The following SIN3B variants were observed in gnomAD, a reference collection of about 807,000 sequenced individuals.
The protein encoded by SIN3B is paired amphipathic helix protein Sin3b.
SIN3B carries 19 observed loss-of-function variants against 120.2 expected under a neutral mutation model. The ratio of observed to expected loss-of-function variants is 0.16; its 90% CI spans 0.11 to 0.23. The LOEUF (loss-of-function observed/expected upper bound fraction) is 0.23. Among genes scored for constraint, SIN3B ranks in the 10% least tolerant of loss-of-function variants. SIN3B has a pLI of 1.00. For missense variants in SIN3B, 1,073 were observed against 1,573.0 expected (o/e 0.68, Z 5.38); for synonymous variants, 654 against 653.2 (o/e 1.00, Z -0.02).
rs1180275992 is a variant in SIN3B, at chr19:16,878,166, C to T, written c.2955-17C>T. ...ATGCCGAGAGCCAGAGTCCATTCCA[C>T]CTCCTTTCGCCCCCAGGAACCTCAA... On this transcript the variant is annotated splice_polypyrimidine_tract_variant and intron_variant, in intron 17 of 18. Coordinates refer to ENST00000248054, the MANE Select transcript of SIN3B (RefSeq NM_001297595.2). 15 of 1,542,778 alleles carry T rather than the reference C, an allele frequency of 9.7e-6. No homozygotes were observed. The highest frequency in any genetic ancestry group is 4.1e-5 in the African/African-American group (3 of 73,098).
chr19:16,869,602 A>G lies in SIN3B; in HGVS notation c.1949A>G (p.Glu650Gly). 1 of 1,613,546 alleles carries G rather than the reference A, an allele frequency of 6.2e-7. No individual in the cohort carries two copies. Among genetic ancestry groups the G allele is most frequent in the Non-Finnish European group, 8.5e-7 (1 of 1,180,028 alleles). Residue 650 changes from glutamate to glycine, a missense_variant, in exon 13 of 19, where the codon GAG becomes GGG. Coordinates refer to ENST00000248054, the MANE Select transcript of SIN3B (RefSeq NM_001297595.2). ...YVKRQPAIQK[E>G]DQGTIHQLLH... ...AAGCGGCAGCCGGCCATCCAGAAGG[A>G]GGACCAGGGCACCATCCACCAGCTG...
chr19:16,873,175 C>T (rs1241787705), intron 14 of SIN3B, among the ~76,000 whole-genome samples: 1 of 152,072 alleles, frequency 6.6e-6, no homozygotes, highest in Non-Finnish European at 1.5e-5. Flanking sequence ...TGGCTGGGGC[C>T]CTGTCCTTTC....
chr19:16,831,894 C>T (rs1254081622), intron 3 of SIN3B, among the ~76,000 whole-genome samples: 3 of 152,160 alleles, frequency 2.0e-5, no homozygotes, highest in Admixed American at 6.5e-5. Context: ...GGGAGGTATC[C>T]TCCTAACGCA....
At chr19:16,856,519 A>G (rs561373409) in intron 8 of SIN3B, among the ~76,000 whole-genome samples, 1 of 152,318 alleles carries the variant, frequency 6.6e-6, no homozygotes, top group East Asian at 1.9e-4. Flanking sequence ...GATGTAAGTC[A>G]CAAACTTGGA....
In SIN3B at chr19:16,879,058, C is replaced by G. The variant is rs1599621786; in HGVS notation, c.*331C>G. The G allele has an allele frequency of 2.6e-6, 1 of 391,946 alleles. No individual in the cohort carries two copies. The highest frequency in any genetic ancestry group is 4.7e-5 in the East Asian group (1 of 21,498). The allele number at this position is 391,946 out of a possible 1,614,324, so 24.3% of individuals were successfully genotyped here. On this transcript the variant is annotated 3_prime_UTR_variant, in exon 19 of 19. Coordinates refer to ENST00000248054, the MANE Select transcript of SIN3B (RefSeq NM_001297595.2). ...CCCTGGCAGGCAGATGGCTCCTGCC[C>G]CATATTCTTGCCGTGTCTTGGAAAA... is the stretch of plus-strand genomic sequence containing the variant.
At chr19:16,835,598 C>T (rs895512830) in intron 3 of SIN3B, among the ~76,000 whole-genome samples, 2 of 151,526 alleles carry the variant, frequency 1.3e-5, no homozygotes, top group Admixed American at 6.6e-5. Flanking sequence ...CAGCTCACTG[C>T]AGCCTCCGCC....
chr19:16,868,107 T>A (rs1022929894), intron 12 of SIN3B, among the ~76,000 whole-genome samples: 2 of 152,140 alleles, frequency 1.3e-5, no homozygotes, highest in Non-Finnish European at 2.9e-5. Context: ...TGGTTACAGA[T>A]CATGGACATG....
intron 14 of SIN3B, chr19:16,872,748 AC>A (rs1441393574): frequency 6.6e-6 from 1 of 152,024 alleles, no homozygotes; most frequent in East Asian, 1.9e-4. Flanking sequence ...CGGCATCACA[AC>A]CCTGATTTCT....
Position 16,878,206 on chromosome 19 carries a change from G to C in SIN3B, c.2978G>C (p.Arg993Pro). 1 of 1,584,492 alleles carries C rather than the reference G, an allele frequency of 6.3e-7. No homozygotes were observed. The change falls in exon 18 of 19, where the codon CGG becomes CCG. Residue 993 changes from arginine to proline, a missense_variant. Coordinates refer to ENST00000248054, the MANE Select transcript of SIN3B (RefSeq NM_001297595.2). ...AGGAACCTCAAGAAGTTCCGCCGCC[G>C]GTGGCAGAGCGAGCAGGCGCGGGCC... ...LQRNLKKFRR[R>P]WQSEQARALR... is the part of the protein sequence containing the mutation.
At chr19:16,835,092 A>G (rs1328427662) in intron 3 of SIN3B, among the ~76,000 whole-genome samples, 1 of 150,864 alleles carries the variant, frequency 6.6e-6, no homozygotes, top group African/African-American at 2.4e-5. Context: ...GCGCCCGACT[A>G]ATTTTGTATT....
chr19:16,859,350 C>G (rs1971657404), intron 8 of SIN3B, among the ~76,000 whole-genome samples: 1 of 151,948 alleles, frequency 6.6e-6, no homozygotes, highest in Non-Finnish European at 1.5e-5. Flanking sequence ...CTCAGCATTT[C>G]TTGGAAGTGT....
chr19:16,851,738 T>G (rs1288691168), intron 6 of SIN3B, among the ~76,000 whole-genome samples: 2 of 152,230 alleles, frequency 1.3e-5, no homozygotes, highest in Non-Finnish European at 2.9e-5. Flanking sequence ...CCTGTGAGAT[T>G]GTTTTGAAAA....
intron 14 of SIN3B, among the ~76,000 whole-genome samples, chr19:16,874,533 T>A (rs551210800): frequency 6.6e-6 from 1 of 152,116 alleles, no homozygotes; most frequent in Admixed American, 6.5e-5. Flanking sequence ...TGATCTGGTC[T>A]GGTCTGGTCT....
In SIN3B at chr19:16,867,226, C is replaced by G. The variant is rs575909291; in HGVS notation, c.1806+670C>G. 6.6e-5 allele frequency among the ~76,000 whole-genome samples: 10 copies of G among 152,352 alleles called. No individual in the cohort carries two copies. The South Asian group carries it at 2.1e-3, about 32-fold the overall frequency. ...CATCTGACCTCACTCCTGAACCTGA[C>G]TCTGCTGCGGCATTATTCTGATTTT... On this transcript the variant is annotated intron_variant, in intron 12 of 18. Coordinates refer to ENST00000248054, the MANE Select transcript of SIN3B (RefSeq NM_001297595.2).
In SIN3B at chr19:16,853,128, G is replaced by A; in HGVS notation, c.909G>A (p.Gly303=). Residue 303 remains glycine, a synonymous_variant, in exon 7 of 19, where the codon GGG becomes GGA. Coordinates refer to ENST00000248054, the MANE Select transcript of SIN3B (RefSeq NM_001297595.2). ...CCATCGCTGCAGTGGGGAAGTACGG[G>A]ACTCTGCAGGAATTTTCTTTCTTTG... ...DLSIAAVGKY[G]TLQEFSFFDK... 1 of 1,614,200 alleles carries A rather than the reference G, an allele frequency of 6.2e-7. No homozygotes were observed. Among genetic ancestry groups the A allele is most frequent in the Non-Finnish European group, 8.5e-7 (1 of 1,180,018 alleles).
intron 8 of SIN3B, among the ~76,000 whole-genome samples, chr19:16,860,635 C>G (rs1971675363): frequency 6.9e-6 from 1 of 144,986 alleles, no homozygotes; most frequent in African/African-American, 2.6e-5. Flanking sequence ...GAGTCTCGCT[C>G]TGTCGCCCAG....
In SIN3B at chr19:16,876,254, C is replaced by T. The variant is rs1249904070; in HGVS notation, c.2766+26C>T. Reference sequence around the variant, plus strand: ...GTGAGAGGAGGCCTGGGGCTGGGAACACGCCGGGAGGCCCGGCCGCTCACT... The same window carrying T: ...GTGAGAGGAGGCCTGGGGCTGGGAATACGCCGGGAGGCCCGGCCGCTCACT... On this transcript the variant is annotated intron_variant, in intron 15 of 18. Transcript: ENST00000248054. The surrounding 1 kb of genome is among the most constrained non-coding windows in gnomAD (Gnocchi z 7.1). 2 of 1,596,666 alleles carry T rather than the reference C, an allele frequency of 1.3e-6. No homozygotes were observed. The highest frequency in any genetic ancestry group is 1.7e-5 in the Admixed American group (1 of 59,088).
Position 16,841,770 on chromosome 19 carries a change from G to C in SIN3B, c.384G>C (p.Glu128Asp), listed in dbSNP as rs766678442. Residue 128 changes from glutamate (E) to aspartate (D), a missense_variant and splice_region_variant, in exon 4 of 19, where the codon GAG (glutamate) becomes GAC (aspartate). Around this residue, in one of 7 missense-constraint regions of SIN3B, gnomAD observed 395 missense variants for 528.0 expected, o/e 0.75. Coordinates refer to ENST00000248054, the MANE Select transcript of SIN3B (RefSeq NM_001297595.2). The stretch of plus-strand genomic sequence containing the variant: ...GTAACTCATTGTCGCCTTGTCAGGA[G>C]AATTCGCACAACCACGGGGACGGTG... ...LNIQSPLTSQENSHNHGDGAE... is the reference protein window; with the variant it reads ...LNIQSPLTSQDNSHNHGDGAE... 3 of 1,613,794 alleles carry C rather than the reference G, an allele frequency of 1.9e-6. No individual in the cohort carries two copies. The highest frequency in any genetic ancestry group is 2.5e-6 in the Non-Finnish European group (3 of 1,179,838).
chr19:16,865,741 A>G (rs1599608406), intron 11 of SIN3B, 93 bp downstream of exon 11: 2 of 827,318 alleles, frequency 2.4e-6, no homozygotes, highest in Non-Finnish European at 3.7e-6. Flanking sequence ...GAGCCCTTGG[A>G]GAGCTCATTA....
Sources: gnomAD v4.1 joint callset for allele counts (sites outside exome capture counted in the v4.1 genomes callset) on GRCh38, gnomAD v4.1.1 for gene constraint, gnomAD v4.1.1 regional missense constraint, Gnocchi (gnomAD v3.1) non-coding constraint, MANE v1.5 for transcripts, NCBI Gene and HGNC (gene_info 2026-07-23, HGNC 2026-07-21) for gene names.